Variants in UCHL3 observed in about 807,000 individuals in gnomAD.
UCHL3 encodes the protein ubiquitin C-terminal hydrolase L3.
A neutral mutation model predicts 35.8 loss-of-function variants in UCHL3; 22 were observed. The observed-to-expected ratio is 0.61, with a 90% CI of 0.44 to 0.88. UCHL3 has a LOEUF of 0.88. UCHL3 is among the 40% of genes least tolerant of loss of function. UCHL3 has a pLI of 0.00. For synonymous variants in UCHL3, 90 were observed against 92.8 expected (o/e 0.97, Z 0.17); for missense variants, 229 against 276.9 (o/e 0.83, Z 1.23).
At chr13:75,597,570 A>G (rs1370361578) in intron 7 of UCHL3, among the ~76,000 whole-genome samples, 1 of 152,210 alleles carries the variant, frequency 6.6e-6, no homozygotes, top group Admixed American at 6.5e-5. Context: ...TTTATATTGT[A>G]TTATGTATGA....
intron 7 of UCHL3, 52 bp downstream of exon 7, chr13:75,595,042 C>A (rs2032608821): frequency 1.5e-6 from 2 of 1,347,624 alleles, no homozygotes; most frequent in East Asian, 2.5e-5. Flanking sequence ...ATGGGAAAGT[C>A]TCTACTTATG....
chr13:75,578,057 G>T (rs1044677912), intron 6 of UCHL3, among the ~76,000 whole-genome samples: 2 of 151,964 alleles, frequency 1.3e-5, no homozygotes, highest in East Asian at 1.9e-4. Context: ...AATAGCAAAA[G>T]ACACTTTTTG....
At chr13:75,597,787 T>A (rs564741427) in intron 7 of UCHL3, among the ~76,000 whole-genome samples, 4 of 152,300 alleles carry the variant, frequency 2.6e-5, no homozygotes, top group South Asian at 2.1e-4. Context: ...ATTGTAGACA[T>A]TGTGCAAGTT....
At chr13:75,578,466 C>A (rs1593743413) in intron 6 of UCHL3, among the ~76,000 whole-genome samples, 1 of 152,042 alleles carries the variant, frequency 6.6e-6, no homozygotes, top group Non-Finnish European at 1.5e-5. Flanking sequence ...GTTTGAGCAC[C>A]TACTGTACTA....
At chr13:75,599,687 T>C (rs1433991538) in intron 7 of UCHL3, among the ~76,000 whole-genome samples, 1 of 152,216 alleles carries the variant, frequency 6.6e-6, no homozygotes, top group Non-Finnish European at 1.5e-5. Context: ...GTGTTCTGAC[T>C]GCTCCATTAA....
intron 6 of UCHL3, among the ~76,000 whole-genome samples, chr13:75,574,922 C>T (rs2031975687): frequency 6.6e-6 from 1 of 152,048 alleles, no homozygotes. Context: ...TAGTTAGAAC[C>T]CTGAGAATTC....
intron 7 of UCHL3, among the ~76,000 whole-genome samples, chr13:75,603,855 G>A (rs537555164): frequency 6.6e-6 from 1 of 152,126 alleles, no homozygotes; most frequent in Admixed American, 6.5e-5. Flanking sequence ...TTGTAATTTA[G>A]GGATAAGTTT....
intron 2 of UCHL3, 63 bp from the exon 3 acceptor site, chr13:75,560,690 A>T: frequency 7.0e-7 from 1 of 1,437,928 alleles, no homozygotes; most frequent in African/African-American, 1.4e-5. Flanking sequence ...TATGTATAGT[A>T]TACTAGTTTT....
intron 5 of UCHL3, 154 bp from the exon 6 acceptor site, chr13:75,569,306 A>G (rs1329376803): frequency 2.0e-6 from 1 of 508,846 alleles, no homozygotes; most frequent in Non-Finnish European, 3.4e-6. Flanking sequence ...CCCAGATATC[A>G]TTCTTAAATA....
At chr13:75,603,454 G>A (rs958258151) in intron 7 of UCHL3, among the ~76,000 whole-genome samples, 1 of 151,996 alleles carries the variant, frequency 6.6e-6, no homozygotes, top group African/African-American at 2.4e-5. Flanking sequence ...ATATAAGTGA[G>A]GCCCTGTCTC....
chr13:75,575,415 CAG>C (rs1204483944), intron 6 of UCHL3, among the ~76,000 whole-genome samples: 1 of 152,152 alleles, frequency 6.6e-6, no homozygotes, highest in Non-Finnish European at 1.5e-5. Context: ...TTATTAGTGG[CAG>C]AGAGTGTTTT....
intron 6 of UCHL3, among the ~76,000 whole-genome samples, chr13:75,581,346 TC>T (rs1333163600): frequency 9.2e-6 from 1 of 109,268 alleles, no homozygotes; most frequent in Non-Finnish European, 2.0e-5. Flanking sequence ...ACACTTGATT[TC>T]TTTTTTTTTT....
intron 7 of UCHL3, among the ~76,000 whole-genome samples, chr13:75,599,653 G>T (rs2032728865): frequency 6.6e-6 from 1 of 152,086 alleles, no homozygotes; most frequent in Non-Finnish European, 1.5e-5. Flanking sequence ...ATATATGCTG[G>T]CAAACTTAAT....
intron 6 of UCHL3, among the ~76,000 whole-genome samples, chr13:75,587,681 ACT>A (rs1236578391): frequency 6.6e-6 from 1 of 152,082 alleles, no homozygotes; most frequent in Non-Finnish European, 1.5e-5. Context: ...TGTTTTTGTA[ACT>A]CTGTAAATTT....
intron 3 of UCHL3, among the ~76,000 whole-genome samples, chr13:75,563,951 T>G (rs2031599988): frequency 6.6e-6 from 1 of 152,120 alleles, no homozygotes; most frequent in Non-Finnish European, 1.5e-5. Context: ...TGTCTATATC[T>G]ATGCCACCTT....
At chr13:75,573,652 G>C (rs1488588777) in intron 6 of UCHL3, among the ~76,000 whole-genome samples, 1 of 152,146 alleles carries the variant, frequency 6.6e-6, no homozygotes. Context: ...CAATTGATCT[G>C]ATGTCTCTTC....
At chr13:75,561,859 A>G (rs2031524702) in intron 3 of UCHL3, among the ~76,000 whole-genome samples, 1 of 150,492 alleles carries the variant, frequency 6.6e-6, no homozygotes, top group Admixed American at 6.6e-5. Flanking sequence ...ACATACGTAT[A>G]CATATATACA....
chr13:75,579,333 A>T (rs1356130642), intron 6 of UCHL3, among the ~76,000 whole-genome samples: 1 of 152,016 alleles, frequency 6.6e-6, no homozygotes, highest in East Asian at 1.9e-4. Context: ...CAACTTTCTG[A>T]TCTTTGTTTT....
intron 6 of UCHL3, among the ~76,000 whole-genome samples, chr13:75,586,512 T>C (rs2032326989): frequency 6.6e-6 from 1 of 152,010 alleles, no homozygotes; most frequent in African/African-American, 2.4e-5. Context: ...GTCAAACAAC[T>C]TGACCCTTTT....
Sources: allele counts gnomAD v4.1 joint callset (sites outside exome capture counted in the v4.1 genomes callset), GRCh38; gene constraint gnomAD v4.1.1; transcripts MANE v1.5; gene names NCBI Gene and HGNC (gene_info 2026-07-23, HGNC 2026-07-21).